SCHIP1: variants seen among roughly 807,000 people sequenced by gnomAD.
SCHIP1 encodes the protein schwannomin-interacting protein 1.
SCHIP1 carries 8 observed loss-of-function variants against 29.7 expected under a neutral mutation model. That is an observed-to-expected ratio of 0.27 (90% CI 0.16 to 0.49). The LOEUF is 0.49. Among genes scored for constraint, SCHIP1 ranks in the 20% least tolerant of loss-of-function variants. SCHIP1 has a pLI of 0.99. For synonymous variants in SCHIP1, 76 were observed against 94.9 expected (o/e 0.80, Z 1.16); for missense variants, 193 against 294.6 (o/e 0.66, Z 2.52).
chr3:159,442,521 A>G, the SCHIP1 span, among the ~76,000 whole-genome samples: 1 of 152,188 alleles, frequency 6.6e-6, no homozygotes, highest in Non-Finnish European at 1.5e-5. Flanking sequence ...TCAGCGTTTT[A>G]CATGAAAAGG....
chr3:159,579,666 G>A, the SCHIP1 span, among the ~76,000 whole-genome samples: 1 of 152,110 alleles, frequency 6.6e-6, no homozygotes, highest in Admixed American at 6.6e-5. Context: ...AAATGATCTA[G>A]GAAGATTGCT....
At chr3:159,748,218 G>T in the SCHIP1 span, among the ~76,000 whole-genome samples, 1 of 152,108 alleles carries the variant, frequency 6.6e-6, no homozygotes, top group Non-Finnish European at 1.5e-5. Context: ...GCCATTGATT[G>T]TAAGTTCCAC....
At chr3:159,627,642 C>T in the SCHIP1 span, among the ~76,000 whole-genome samples, 6 of 152,168 alleles carry the variant, frequency 3.9e-5, no homozygotes, top group Non-Finnish European at 7.3e-5. Context: ...GGGAGTTCAT[C>T]GCCTAGTGAG....
chr3:159,796,294 G>T, the SCHIP1 span, among the ~76,000 whole-genome samples: 11 of 152,042 alleles, frequency 7.2e-5, no homozygotes, highest in African/African-American at 2.7e-4. Flanking sequence ...AGAGAGAACA[G>T]CAGAAATACA....
chr3:159,288,556 G>A, the SCHIP1 span, among the ~76,000 whole-genome samples: 5 of 152,096 alleles, frequency 3.3e-5, no homozygotes, highest in Non-Finnish European at 4.4e-5. Context: ...TGATCAACAT[G>A]GGGAAACCCA....
the SCHIP1 span, among the ~76,000 whole-genome samples, chr3:159,793,143 C>T: frequency 3.3e-5 from 5 of 152,084 alleles, no homozygotes; most frequent in Admixed American, 6.6e-5. Flanking sequence ...TCCTTGAGTG[C>T]GTTTAACATG....
chr3:159,797,576 C>CT, the SCHIP1 span, among the ~76,000 whole-genome samples: 37,063 of 145,284 alleles, frequency 0.26, 5,790 homozygotes, highest in African/African-American at 0.46. Flanking sequence ...ATTTAAAGAT[C>CT]TTTTTTTTTT....
the SCHIP1 span, among the ~76,000 whole-genome samples, chr3:159,562,571 G>C: frequency 4.6e-5 from 7 of 152,184 alleles, no homozygotes; most frequent in African/African-American, 9.6e-5. Flanking sequence ...GATCAAGACA[G>C]AGACCTTTAA....
At chr3:159,437,378 T>G in the SCHIP1 span, among the ~76,000 whole-genome samples, 3 of 152,254 alleles carry the variant, frequency 2.0e-5, no homozygotes, top group Admixed American at 6.5e-5. Context: ...CTCTAGGATT[T>G]TTTTCTTGAC....
chr3:159,734,133 T>C, the SCHIP1 span, among the ~76,000 whole-genome samples: 1 of 147,494 alleles, frequency 6.8e-6, no homozygotes, highest in Non-Finnish European at 1.5e-5. Context: ...TATTATTGTT[T>C]ACTTTTTTTT....
At chr3:159,681,293 A>G in the SCHIP1 span, among the ~76,000 whole-genome samples, 177 of 152,014 alleles carry the variant, frequency 1.2e-3, no homozygotes, top group African/African-American at 4.2e-3. Context: ...AAATGGGGAA[A>G]AAAAAAAAAA....
At chr3:159,760,672 C>T in the SCHIP1 span, among the ~76,000 whole-genome samples, 1 of 152,342 alleles carries the variant, frequency 6.6e-6, no homozygotes, top group Non-Finnish European at 1.5e-5. Flanking sequence ...AATTGTCCCC[C>T]ACTTCATGGA....
the SCHIP1 span, among the ~76,000 whole-genome samples, chr3:159,556,559 A>G: frequency 8.5e-5 from 13 of 152,064 alleles, no homozygotes; most frequent in Admixed American, 3.9e-4. Context: ...AAAATGTGGC[A>G]CATATACACC....
chr3:159,617,809 G>A, the SCHIP1 span, among the ~76,000 whole-genome samples: 1 of 152,064 alleles, frequency 6.6e-6, no homozygotes, highest in African/African-American at 2.4e-5. Flanking sequence ...AATTTTCTAT[G>A]CATTTTCTTC....
At chr3:159,776,226 A>G in the SCHIP1 span, among the ~76,000 whole-genome samples, 28 of 152,176 alleles carry the variant, frequency 1.8e-4, no homozygotes, top group Non-Finnish European at 3.8e-4. Flanking sequence ...CTACTTAATG[A>G]AAATTGCAGA....
chr3:159,704,840 T>C, the SCHIP1 span, among the ~76,000 whole-genome samples: 2 of 152,058 alleles, frequency 1.3e-5, no homozygotes, highest in African/African-American at 4.8e-5. Context: ...TCTTTCTTGC[T>C]TCTTTTTTAT....
At chr3:159,620,546 G>A in the SCHIP1 span, among the ~76,000 whole-genome samples, 9 of 152,240 alleles carry the variant, frequency 5.9e-5, no homozygotes, top group Admixed American at 3.9e-4. Flanking sequence ...TAGCAACCAT[G>A]TCCCTTCTTT....
At chr3:159,385,580 A>C in the SCHIP1 span, among the ~76,000 whole-genome samples, 97,722 of 134,390 alleles carry the variant, frequency 0.73, 35,448 homozygotes, top group Middle Eastern at 0.79. Flanking sequence ...ACAAACAAAA[A>C]AAAAAAAACC....
At chr3:159,293,419 A>G in the SCHIP1 span, among the ~76,000 whole-genome samples, 2 of 152,192 alleles carry the variant, frequency 1.3e-5, no homozygotes, top group African/African-American at 4.8e-5. Flanking sequence ...AGTTTGCTCC[A>G]TTCATTCATC....
Sources: allele counts gnomAD v4.1 joint callset (sites outside exome capture counted in the v4.1 genomes callset), GRCh38; gene constraint gnomAD v4.1.1; transcripts MANE v1.5; gene names NCBI Gene and HGNC (gene_info 2026-07-23, HGNC 2026-07-21).